Variants in VPS13C observed in about 807,000 individuals in gnomAD.
The protein encoded by VPS13C is intermembrane lipid transfer protein VPS13C.
VPS13C carries 358 observed loss-of-function variants against 456.8 expected under a neutral mutation model. The observed-to-expected ratio is 0.78, with a 90% CI of 0.72 to 0.86. VPS13C has a LOEUF of 0.86. VPS13C is among the 40% of genes least tolerant of loss of function. The pLI, the probability that VPS13C is intolerant of heterozygous loss-of-function variation, is 0.00. For missense variants in VPS13C, 4,818 were observed against 4,385.4 expected (o/e 1.10, Z -2.79); for synonymous variants, 1,578 against 1,486.7 (o/e 1.06, Z -1.41).
Position 61,854,416 on chromosome 15 carries a change from T to C in VPS13C, c.*41A>G, listed in dbSNP as rs939884086. 2 of 1,527,610 alleles carry C rather than the reference T, an allele frequency of 1.3e-6. No individual in the cohort carries two copies. The highest frequency in any genetic ancestry group is 1.8e-6 in the Non-Finnish European group (2 of 1,101,156). 94.6% of individuals were successfully genotyped at this position (1,527,610 alleles called of 1,614,324 possible). On this transcript the variant is annotated 3_prime_UTR_variant, in exon 85 of 85. Coordinates refer to ENST00000644861, the MANE Select transcript of VPS13C (RefSeq NM_020821.3). ...CAGAGTGACTTATAGACAAGACCAG[T>C]GATTGTTTTTTCTCCCTGTTGGAGC... is the stretch of plus-strand genomic sequence containing the variant.
intron 9 of VPS13C, among the ~76,000 whole-genome samples, chr15:62,015,738 G>A (rs1490729073): frequency 1.7e-5 from 2 of 116,904 alleles, no homozygotes; most frequent in African/African-American, 6.6e-5. Flanking sequence ...AGATCACATG[G>A]ACACAGGAAG....
chr15:61,895,716 A>G (rs1327942890), intron 66 of VPS13C, among the ~76,000 whole-genome samples: 1 of 152,204 alleles, frequency 6.6e-6, no homozygotes, highest in Non-Finnish European at 1.5e-5. Context: ...AAAGTTAAAT[A>G]CTGCACATTC....
chr15:61,955,946 A>T (rs188152925), intron 37 of VPS13C, among the ~76,000 whole-genome samples: 1 of 152,112 alleles, frequency 6.6e-6, no homozygotes, highest in African/African-American at 2.4e-5. Context: ...AAACAGAACT[A>T]CCTTTGACCC....
intron 83 of VPS13C, among the ~76,000 whole-genome samples, chr15:61,855,877 T>TA (rs940779755): frequency 1.3e-5 from 2 of 152,038 alleles, no homozygotes; most frequent in Non-Finnish European, 2.9e-5. Context: ...AGTGCTTCCT[T>TA]ACAAAATGAT....
intron 13 of VPS13C, 130 bp downstream of exon 13, chr15:62,010,342 T>A: frequency 3.9e-6 from 4 of 1,021,480 alleles, no homozygotes; most frequent in Non-Finnish European, 5.2e-6. Context: ...AAAACAAAAA[T>A]TTTTAAACAG....
chr15:61,998,666 G>A (rs1213933403), intron 16 of VPS13C, among the ~76,000 whole-genome samples: 1 of 152,170 alleles, frequency 6.6e-6, no homozygotes, highest in African/African-American at 2.4e-5. Context: ...TGACTCCCAA[G>A]TCTATACTTT....
intron 48 of VPS13C, chr15:61,935,862 C>G (rs1271186865): frequency 6.6e-6 from 1 of 152,118 alleles, no homozygotes; most frequent in African/African-American, 2.4e-5. Flanking sequence ...GAAGTAACAG[C>G]TGATGGTATG....
intron 33 of VPS13C, 71 bp from the exon 34 acceptor site, chr15:61,962,609 G>C (rs1192593584): frequency 4.7e-5 from 68 of 1,452,854 alleles, no homozygotes; most frequent in Non-Finnish European, 6.1e-5. Flanking sequence ...TTTACAAAAG[G>C]CTTTACATTT....
chr15:62,046,097 G>A (rs28625537), intron 1 of VPS13C, among the ~76,000 whole-genome samples: 159 of 152,008 alleles, frequency 1.0e-3, no homozygotes, highest in Middle Eastern at 3.4e-3. Flanking sequence ...ATAAATTGTC[G>A]AAAACTATAA....
In VPS13C at chr15:61,929,821, C is replaced by A. The variant is rs1741916825; in HGVS notation, c.6039-73G>T. 7 of 1,362,660 alleles carry A rather than the reference C, an allele frequency of 5.1e-6. No homozygotes were observed. The Admixed American group carries it at 1.2e-4, about 24-fold the overall frequency. 84.4% of individuals were successfully genotyped at this position (1,362,660 alleles called of 1,614,324 possible). A position where few individuals can be genotyped will look rare whatever the true frequency, so the allele number is the denominator to read the frequency against. ...AAAAAGATGAAGAATTTCCTATATA[C>A]CTCAATAATCTTTATTTCACCTTTC... On this transcript the variant is annotated intron_variant, in intron 50 of 84. Coordinates refer to ENST00000644861, the MANE Select transcript of VPS13C (RefSeq NM_020821.3).
At chr15:62,060,162 G>C (rs2048950724) in intron 1 of VPS13C, 113 bp downstream of exon 1, 2 of 511,136 alleles carry the variant, frequency 3.9e-6, no homozygotes, top group Non-Finnish European at 3.5e-6. Flanking sequence ...GCCGCACCGG[G>C]ATGGGGAGTC....
intron 15 of VPS13C, among the ~76,000 whole-genome samples, chr15:62,006,697 T>C (rs2046861856): frequency 1.3e-5 from 2 of 152,216 alleles, no homozygotes; most frequent in Admixed American, 6.5e-5. Flanking sequence ...TCCACAATGG[T>C]TGAACTAGTT....
At chr15:61,937,654 T>G (rs1169139677) in intron 47 of VPS13C, among the ~76,000 whole-genome samples, 3 of 152,154 alleles carry the variant, frequency 2.0e-5, no homozygotes, top group African/African-American at 4.8e-5. Flanking sequence ...TTTTGTATTT[T>G]TAGTAGAGAC....
chr15:62,037,530 TG>T (rs2048105906), intron 3 of VPS13C, among the ~76,000 whole-genome samples: 1 of 54,258 alleles, frequency 1.8e-5, no homozygotes, highest in Non-Finnish European at 4.6e-5. Flanking sequence ...TAATAAATAA[TG>T]CAAAATTTCT....
Position 61,915,616 on chromosome 15 carries a change from T to C in VPS13C, c.8445+17A>G. 6.4e-7 allele frequency: 1 copy of C among 1,555,226 alleles called. No individual in the cohort carries two copies. Among genetic ancestry groups the C allele is most frequent in the Non-Finnish European group, 8.6e-7 (1 of 1,157,120 alleles). On this transcript the variant is annotated intron_variant, in intron 61 of 84. Transcript: ENST00000644861. ...GGAATTTATCTGCTTTAACTTATTA[T>C]GTGAACAAAACCACACCTTATTTTT...
chr15:62,056,550 G>T (rs937255122), intron 1 of VPS13C, among the ~76,000 whole-genome samples: 4 of 152,142 alleles, frequency 2.6e-5, no homozygotes, highest in African/African-American at 7.2e-5. Flanking sequence ...AAACACCCGC[G>T]ACTTAGCAGA....
At position 61,863,449 on chromosome 15, in the gene VPS13C, A is replaced by C; in HGVS notation, c.10943T>G (p.Val3648Gly). The C allele has an allele frequency of 6.2e-7, 1 of 1,611,536 alleles. No individual in the cohort carries two copies. The highest frequency in any genetic ancestry group is 1.7e-4 in the Middle Eastern group (1 of 6,046). Reference protein sequence around the residue: ...IPGSKKTILMVTNRRVLCIKE... With the variant: ...IPGSKKTILMGTNRRVLCIKE... ...CACTTCAAGTCAGTACCTATTTGTA[A>C]CCATAAGGATTGTCTTCTTGCTTCC... The change falls in exon 82 of 85, where the codon GTT becomes GGT. Residue 3648 changes from valine (V) to glycine (G), a missense_variant. Around this residue, in one of 3 missense-constraint regions of VPS13C, gnomAD observed 261 missense variants for 234.1 expected, o/e 1.11. Transcript: ENST00000644861.
At position 61,928,863 on chromosome 15, in the gene VPS13C, G is replaced by A. The variant is rs755230759; in HGVS notation, c.6286+638C>T. Among the ~76,000 whole-genome samples, 8 of 151,312 alleles carry A rather than the reference G, an allele frequency of 5.3e-5. No individual in the cohort carries two copies. In the East Asian group the frequency reaches 1.2e-3, roughly 22 times the overall value. ...TACACCACTGCACTCCAGCCTGGGT[G>A]ATACAGTGACAGCCCATCTCGAAAA... On this transcript the variant is annotated intron_variant, in intron 51 of 84. Transcript: ENST00000644861.
Position 61,907,323 on chromosome 15 carries a change from C to T in VPS13C, c.9046G>A (p.Gly3016Ser), listed in dbSNP as rs758019715. 6.2e-7 allele frequency: 1 copy of T among 1,613,998 alleles called. No individual in the cohort carries two copies. Among genetic ancestry groups the T allele is most frequent in the East Asian group, 2.2e-5 (1 of 44,868 alleles). ...TATGTCCATGTAAGTTTTCTGGTAC[C>T]AGTAGGATCTGCCCAGGCAAAAAGT... ...ARLFAWADPT[G>S]TRKLTWTYAA... The change falls in exon 66 of 85, where the codon GGT becomes AGT. Residue 3016 changes from glycine to serine, a missense_variant. Around this residue, in one of 3 missense-constraint regions of VPS13C, gnomAD observed 4,552 missense variants for 4,130.6 expected, o/e 1.10. Transcript: ENST00000644861.
Sources: gnomAD v4.1 joint callset for allele counts (sites outside exome capture counted in the v4.1 genomes callset) on GRCh38, gnomAD v4.1.1 for gene constraint, gnomAD v4.1.1 regional missense constraint, MANE v1.5 for transcripts, NCBI Gene and HGNC (gene_info 2026-07-23, HGNC 2026-07-21) for gene names.